NDST4: variants seen among roughly 807,000 people sequenced by gnomAD.
NDST4 encodes N-heparan sulfate sulfotransferase 4.
In NDST4, 63 loss-of-function variants were observed where a neutral mutation model predicts 100.8. That is an observed-to-expected ratio of 0.62 (90% confidence interval 0.51 to 0.77). The LOEUF (loss-of-function observed/expected upper bound fraction) is 0.77, where lower values mean the gene tolerates loss of function less well. Ranked by LOEUF, NDST4 falls within the 30% of genes least tolerant of loss-of-function variation. The pLI is 0.00. For missense variants in NDST4, 943 were observed against 1,018.4 expected (o/e 0.93, Z 1.01); for synonymous variants, 377 against 361.8 (o/e 1.04, Z -0.48).
chr4:114,986,832 A>ATATATATATATATATATATATTTTTTTTT, intron 2 of NDST4, among the ~76,000 whole-genome samples: 1 of 94,664 alleles, frequency 1.1e-5, no homozygotes, highest in African/African-American at 3.7e-5. Context: ...ATATATATAT[A>ATATATATATATATATATATATTTTTTTTT]TTTTAATATA....
intron 6 of NDST4, among the ~76,000 whole-genome samples, chr4:114,916,261 T>C (rs1725165068): frequency 6.6e-6 from 1 of 152,132 alleles, no homozygotes; most frequent in Admixed American, 6.6e-5. Flanking sequence ...GTTCTAAACC[T>C]GAGTATCATG....
At chr4:115,061,532 C>T (rs1350331145) in intron 2 of NDST4, among the ~76,000 whole-genome samples, 3 of 151,812 alleles carry the variant, frequency 2.0e-5, no homozygotes, top group African/African-American at 4.8e-5. Flanking sequence ...AACAGAAAAC[C>T]GAACACCACA....
At chr4:115,000,885 CAT>C (rs1727276005) in intron 2 of NDST4, among the ~76,000 whole-genome samples, 1 of 152,070 alleles carries the variant, frequency 6.6e-6, no homozygotes, top group African/African-American at 2.4e-5. Context: ...AAGACAATGA[CAT>C]ATTTGATGTC....
At chr4:115,028,854 A>G (rs1436240238) in intron 2 of NDST4, among the ~76,000 whole-genome samples, 1 of 152,114 alleles carries the variant, frequency 6.6e-6, no homozygotes, top group Non-Finnish European at 1.5e-5. Flanking sequence ...GCCACATTAA[A>G]ATTAGATAAC....
chr4:114,978,420 T>A (rs1726685436), intron 2 of NDST4, among the ~76,000 whole-genome samples: 2 of 152,064 alleles, frequency 1.3e-5, no homozygotes, highest in African/African-American at 4.8e-5. Flanking sequence ...TGATAAAATA[T>A]ATAGTCAATG....
chr4:115,107,723 C>T (rs1485288439), intron 1 of NDST4, among the ~76,000 whole-genome samples: 1 of 152,010 alleles, frequency 6.6e-6, no homozygotes, highest in Non-Finnish European at 1.5e-5. Flanking sequence ...CTATTTTGTT[C>T]ACCCTAGTAA....
intron 6 of NDST4, among the ~76,000 whole-genome samples, chr4:114,919,063 C>T (rs1358921034): frequency 6.6e-6 from 1 of 152,152 alleles, no homozygotes; most frequent in African/African-American, 2.4e-5. Context: ...ATGATCAATA[C>T]AGAATTGATC....
chr4:115,019,498 C>T (rs988879305), intron 2 of NDST4, among the ~76,000 whole-genome samples: 1 of 152,044 alleles, frequency 6.6e-6, no homozygotes, highest in Admixed American at 6.6e-5. Context: ...CTAAAATGCC[C>T]GGAGAATAAT....
At chr4:115,007,384 T>A (rs1308383236) in intron 2 of NDST4, among the ~76,000 whole-genome samples, 2 of 152,050 alleles carry the variant, frequency 1.3e-5, no homozygotes, top group Admixed American at 6.6e-5. Context: ...TTCAATGGGG[T>A]GATAGTGGCA....
At chr4:114,971,488 T>A (rs1193799225) in intron 3 of NDST4, among the ~76,000 whole-genome samples, 1 of 152,164 alleles carries the variant, frequency 6.6e-6, no homozygotes, top group African/African-American at 2.4e-5. Flanking sequence ...CGTATGATTT[T>A]GTACAATTTT....
At chr4:114,907,509 T>C (rs895564803) in intron 6 of NDST4, among the ~76,000 whole-genome samples, 4 of 152,194 alleles carry the variant, frequency 2.6e-5, no homozygotes, top group Non-Finnish European at 4.4e-5. Flanking sequence ...GTTATGATTT[T>C]AAATTGTATT....
intron 6 of NDST4, among the ~76,000 whole-genome samples, chr4:114,914,741 T>G (rs1725133645): frequency 6.6e-6 from 1 of 152,212 alleles, no homozygotes; most frequent in South Asian, 2.1e-4. Flanking sequence ...TTGCTTATGT[T>G]TAAGCTGAGG....
chr4:115,050,701 C>T (rs1728564092), intron 2 of NDST4, among the ~76,000 whole-genome samples: 1 of 152,104 alleles, frequency 6.6e-6, no homozygotes, highest in Admixed American at 6.6e-5. Context: ...GCAGGTACAA[C>T]TGGGAGGAAA....
chr4:114,970,723 G>T, intron 3 of NDST4, 139 bp from the exon 4 acceptor site: 2 of 741,280 alleles, frequency 2.7e-6, no homozygotes, highest in South Asian at 2.2e-5. Context: ...CAGAATAAAA[G>T]ACCACAGTCT....
At chr4:115,002,809 C>T (rs914476049) in intron 2 of NDST4, among the ~76,000 whole-genome samples, 10 of 152,070 alleles carry the variant, frequency 6.6e-5, no homozygotes, top group African/African-American at 2.2e-4. Flanking sequence ...TTTACAATAG[C>T]GAAGACTTGG....
Position 115,076,879 on chromosome 4 carries a change from G to A in NDST4, c.158C>T (p.Thr53Ile), listed in dbSNP as rs201474811. 1 of 1,613,708 alleles carries A rather than the reference G, an allele frequency of 6.2e-7. No individual in the cohort carries two copies. The highest frequency in any genetic ancestry group is 8.5e-7 in the Non-Finnish European group (1 of 1,179,882). Residue 53 changes from threonine (T) to isoleucine (I), a missense_variant, in exon 2 of 14, where the codon ACT becomes ATT. Thr to Ile is a moderately conservative substitution (Grantham distance 89, BLOSUM62 -1). Coordinates refer to ENST00000264363, the MANE Select transcript of NDST4 (RefSeq NM_022569.3). The part of the protein sequence containing the change: ...LIETTAEAEC[T>I]DIKILPYRSM... The stretch of plus-strand genomic sequence containing the variant: ...CCTATATGGTAGAATTTTGATGTCA[G>A]TGCATTCTGCTTCTGCAGTGGTTTC...
intron 1 of NDST4, among the ~76,000 whole-genome samples, chr4:115,085,680 T>C (rs1282682109): frequency 2.6e-5 from 4 of 152,150 alleles, no homozygotes; most frequent in Non-Finnish European, 5.9e-5. Context: ...ATGAGATGCC[T>C]TCTACCATGA....
At chr4:114,999,945 T>C (rs1189139017) in intron 2 of NDST4, among the ~76,000 whole-genome samples, 1 of 151,998 alleles carries the variant, frequency 6.6e-6, no homozygotes, top group Non-Finnish European at 1.5e-5. Context: ...GCCAATCTTA[T>C]GTGTCAATGT....
intron 6 of NDST4, among the ~76,000 whole-genome samples, chr4:114,903,881 C>T (rs1006183237): frequency 6.6e-6 from 1 of 151,936 alleles, no homozygotes; most frequent in Non-Finnish European, 1.5e-5. Context: ...AGATTTTTGA[C>T]ATGCATAGGA....
Sources: gnomAD v4.1 joint callset for allele counts (sites outside exome capture counted in the v4.1 genomes callset) on GRCh38, gnomAD v4.1.1 for gene constraint, MANE v1.5 for transcripts, NCBI Gene and HGNC (gene_info 2026-07-23, HGNC 2026-07-21) for gene names.